NFX1: variants seen among roughly 807,000 people sequenced by gnomAD.
NFX1 encodes nuclear transcription factor, X-box binding 1.
Under a neutral mutation model 137.2 loss-of-function variants are expected in NFX1, and 69 were observed. The ratio of observed to expected loss-of-function variants is 0.50; its 90% CI spans 0.41 to 0.61. The LOEUF (loss-of-function observed/expected upper bound fraction) is 0.61. Ranked by LOEUF, NFX1 falls within the 20% of genes least tolerant of loss-of-function variation. The pLI is 0.00. For synonymous variants in NFX1, 495 were observed against 474.1 expected (o/e 1.04, Z -0.57); for missense variants, 1,167 against 1,391.0 (o/e 0.84, Z 2.56).
At chr9:33,366,803 ACTC>A (rs771952737) in intron 22 of NFX1, 29 bp downstream of exon 22, 33 of 1,605,488 alleles carry the variant, frequency 2.1e-5, no homozygotes, top group Non-Finnish European at 2.6e-5. Context: ...CAGAGGAAGA[ACTC>A]CTAAGCAGGG....
intron 9 of NFX1, among the ~76,000 whole-genome samples, chr9:33,323,667 C>A (rs1033823019): frequency 6.6e-6 from 1 of 151,770 alleles, no homozygotes; most frequent in Non-Finnish European, 1.5e-5. Context: ...GCAGGAGAAT[C>A]CCTTGAACCC....
chr9:33,293,480 T>C (rs1821233892), intron 1 of NFX1, among the ~76,000 whole-genome samples: 1 of 152,240 alleles, frequency 6.6e-6, no homozygotes, highest in Admixed American at 6.5e-5. Flanking sequence ...CTCTTTGATA[T>C]AGAGGTTGTT....
chr9:33,363,703 A>T (rs1466164926), intron 19 of NFX1, among the ~76,000 whole-genome samples: 1 of 152,196 alleles, frequency 6.6e-6, no homozygotes, highest in Admixed American at 6.5e-5. Flanking sequence ...AAAGCCTCAG[A>T]GAAAGTCATC....
rs1054544870 is a variant in NFX1 at position 33,363,066 on chromosome 9, A to G, written c.2874-944A>G. Among the ~76,000 whole-genome samples the G allele has an allele frequency of 1.2e-4, 18 of 151,940 alleles. No homozygotes were observed. The East Asian group carries it at 3.1e-3, about 26-fold the overall frequency. On this transcript the variant is annotated intron_variant, in intron 19 of 23. Transcript: ENST00000379540. ...GGTTAACGGTAAGGTGTAGTATTTT[A>G]CAAAATAGCTAGAAAAGAGGCTTCT...
Position 33,344,909 on chromosome 9 carries a change from C to T in NFX1, c.2344+721C>T, listed in dbSNP as rs1823360364. Among the ~76,000 whole-genome samples, 4 of 151,992 alleles carry T rather than the reference C, an allele frequency of 2.6e-5. No individual in the cohort carries two copies. The South Asian group carries it at 8.3e-4, about 32-fold the overall frequency. ...AGGCACAGTGGCTCATGCCTGTAAT[C>T]CTAGCACTTTGGGAGGCTGAGATGG... On this transcript the variant is annotated intron_variant, in intron 14 of 23. Coordinates refer to ENST00000379540, the MANE Select transcript of NFX1 (RefSeq NM_002504.6).
chr9:33,364,850 A>G (rs1177591351), intron 21 of NFX1, 76 bp downstream of exon 21: 1 of 1,577,904 alleles, frequency 6.3e-7, no homozygotes, highest in Admixed American at 1.9e-5. Flanking sequence ...CAAGTCCTGG[A>G]AACACTTTCA....
chr9:33,366,702 C>G lies in NFX1; in HGVS notation c.3113C>G (p.Ala1038Gly). Residue 1038 changes from alanine (A) to glycine (G), a missense_variant, in exon 22 of 24, where the codon GCC becomes GGC. Transcript: ENST00000379540. ...RDHRRIIHDL[A>G]QVYGLESVSY... ...CACCGCCGGATCATCCATGACTTGG[C>G]CCAAGTTTATGGCCTGGAGAGCGTG... is the stretch of plus-strand genomic sequence containing the variant. 6.2e-7 allele frequency: 1 copy of G among 1,614,226 alleles called. No homozygotes were observed. Among genetic ancestry groups the G allele is most frequent in the Non-Finnish European group, 8.5e-7 (1 of 1,180,050 alleles).
chr9:33,323,871 T>C (rs1421881494), intron 9 of NFX1, among the ~76,000 whole-genome samples: 1 of 152,056 alleles, frequency 6.6e-6, no homozygotes, highest in Non-Finnish European at 1.5e-5. Context: ...ATAGAGAATA[T>C]TGATAAAGAG....
intron 11 of NFX1, among the ~76,000 whole-genome samples, chr9:33,337,380 A>G (rs1564130900): frequency 1.3e-5 from 2 of 152,210 alleles, no homozygotes; most frequent in Non-Finnish European, 2.9e-5. Context: ...ATATTATACC[A>G]TTTTGTATAA....
chr9:33,294,258 G>A (rs1310195829), intron 1 of NFX1, among the ~76,000 whole-genome samples, 162 bp from the exon 2 acceptor site: 2 of 152,212 alleles, frequency 1.3e-5, no homozygotes, highest in Non-Finnish European at 2.9e-5. Flanking sequence ...TCCTCCACAA[G>A]CACCTTGAAC....
intron 10 of NFX1, among the ~76,000 whole-genome samples, chr9:33,330,392 T>C (rs1822760735): frequency 6.6e-6 from 1 of 152,220 alleles, no homozygotes. Context: ...AAAAGTAGTA[T>C]AATTTACATG....
At chr9:33,328,045 C>G (rs983302739) in intron 9 of NFX1, among the ~76,000 whole-genome samples, 1 of 152,170 alleles carries the variant, frequency 6.6e-6, no homozygotes. Context: ...GGGTCTTGCT[C>G]TGTCACCTAG....
At chr9:33,310,504 T>C (rs1821923822) in intron 5 of NFX1, among the ~76,000 whole-genome samples, 1 of 152,218 alleles carries the variant, frequency 6.6e-6, no homozygotes, top group Non-Finnish European at 1.5e-5. Context: ...TTCAGAGGGC[T>C]AATTCTGACC....
At chr9:33,340,170 G>T (rs1219309594) in intron 12 of NFX1, among the ~76,000 whole-genome samples, 2 of 152,238 alleles carry the variant, frequency 1.3e-5, no homozygotes, top group Non-Finnish European at 2.9e-5. Flanking sequence ...CTCCATGAGA[G>T]CCCCACCCCT....
rs564356538 is a variant in NFX1 at position 33,330,287 on chromosome 9, A to G, written c.2004+1609A>G. On this transcript the variant is annotated intron_variant, in intron 10 of 23. Transcript: ENST00000379540. Reference sequence around the variant, plus strand: ...TGAACCGTTGGTTCTGTTAAACACAATGCAGGGTCTGGCAGCATCTGACTT... The same window carrying G: ...TGAACCGTTGGTTCTGTTAAACACAGTGCAGGGTCTGGCAGCATCTGACTT... 1.2e-4 allele frequency among the ~76,000 whole-genome samples: 18 copies of G among 152,332 alleles called. No individual in the cohort carries two copies. The East Asian group carries it at 2.9e-3, about 24-fold the overall frequency.
At chr9:33,359,649 A>C (rs2118674157) in intron 19 of NFX1, among the ~76,000 whole-genome samples, 1 of 152,332 alleles carries the variant, frequency 6.6e-6, no homozygotes, top group African/African-American at 2.4e-5. Context: ...CTCATGGGGA[A>C]AACTTTAAGT....
chr9:33,295,444 A>T lies in NFX1; in HGVS notation c.1033+17A>T. The T allele has an allele frequency of 6.3e-7, 1 of 1,581,546 alleles. No homozygotes were observed. Among genetic ancestry groups the T allele is most frequent in the Non-Finnish European group, 8.6e-7 (1 of 1,162,698 alleles). On this transcript the variant is annotated intron_variant, in intron 2 of 23. Transcript: ENST00000379540. ...CGCACACAGGTAAACCTACCTAGAT[A>T]GGAAATATTTTGTTGTCTTTTTAAT...
chr9:33,299,199 ATT>A (rs1355118378), intron 2 of NFX1, among the ~76,000 whole-genome samples: 1 of 152,194 alleles, frequency 6.6e-6, no homozygotes, highest in Admixed American at 6.5e-5. Context: ...GTATAATCAT[ATT>A]AACTAAACTA....
intron 2 of NFX1, among the ~76,000 whole-genome samples, chr9:33,301,011 C>A (rs1821542517): frequency 6.6e-6 from 1 of 152,206 alleles, no homozygotes; most frequent in Non-Finnish European, 1.5e-5. Flanking sequence ...TGCTGTTTTC[C>A]TGGGAATGTT....
Sources: gnomAD v4.1 joint callset for allele counts (sites outside exome capture counted in the v4.1 genomes callset) on GRCh38, gnomAD v4.1.1 for gene constraint, MANE v1.5 for transcripts, NCBI Gene and HGNC (gene_info 2026-07-23, HGNC 2026-07-21) for gene names.